SPIDR: variants seen among roughly 807,000 people sequenced by gnomAD.
The protein encoded by SPIDR is scaffold protein involved in DNA repair.
A neutral mutation model predicts 104.6 loss-of-function variants in SPIDR; 93 were observed. That is an observed-to-expected ratio of 0.89 (90% CI 0.75 to 1.06). The LOEUF is 1.06. SPIDR is among the 50% of genes least tolerant of loss of function. The probability of loss-of-function intolerance (pLI) is 0.00; values close to 1 mark genes in which losing one functional copy is unlikely to be tolerated. For synonymous variants in SPIDR, 431 were observed against 416.9 expected (o/e 1.03, Z -0.41); for missense variants, 1,154 against 1,111.2 (o/e 1.04, Z -0.55).
intron 5 of SPIDR, among the ~76,000 whole-genome samples, chr8:47,380,153 G>A (rs2059155967): frequency 6.6e-6 from 1 of 152,182 alleles, no homozygotes; most frequent in Non-Finnish European, 1.5e-5. Context: ...TGAGGCCCAG[G>A]TTTTGAGTGT....
chr8:47,303,444 C>G (rs1196216946), intron 5 of SPIDR, among the ~76,000 whole-genome samples: 1 of 152,074 alleles, frequency 6.6e-6, no homozygotes, highest in Non-Finnish European at 1.5e-5. Context: ...TGCACTGCAC[C>G]CAGTGTGCTG....
chr8:47,484,441 A>T (rs74716830), intron 8 of SPIDR, among the ~76,000 whole-genome samples: 3,865 of 152,282 alleles, frequency 0.025, 126 homozygotes, highest in East Asian at 0.082. Flanking sequence ...GGTCCTGGTG[A>T]ACCTCATAGT....
At chr8:47,513,449 A>G (rs1177559314) in intron 8 of SPIDR, among the ~76,000 whole-genome samples, 1 of 152,256 alleles carries the variant, frequency 6.6e-6, no homozygotes, top group African/African-American at 2.4e-5. Context: ...ATACTTTTTA[A>G]AAAAACAACT....
intron 7 of SPIDR, among the ~76,000 whole-genome samples, chr8:47,422,659 C>T (rs1554681850): frequency 2.0e-5 from 3 of 152,204 alleles, no homozygotes; most frequent in Non-Finnish European, 2.9e-5. Flanking sequence ...GAACCCGGTA[C>T]CTCAGTTGGA....
chr8:47,276,566 T>TA (rs1175737324), intron 1 of SPIDR, among the ~76,000 whole-genome samples: 1 of 151,916 alleles, frequency 6.6e-6, no homozygotes, highest in African/African-American at 2.4e-5. Context: ...GGAAACAAAA[T>TA]AAAAAACTGA....
At chr8:47,493,794 A>G (rs554919697) in intron 8 of SPIDR, among the ~76,000 whole-genome samples, 1 of 152,292 alleles carries the variant, frequency 6.6e-6, no homozygotes, top group East Asian at 1.9e-4. Context: ...TGGGTTTTTT[A>G]TATTATTATT....
At chr8:47,430,958 C>T (rs1179858344) in intron 7 of SPIDR, among the ~76,000 whole-genome samples, 2 of 152,164 alleles carry the variant, frequency 1.3e-5, no homozygotes, top group Non-Finnish European at 2.9e-5. Context: ...CATGGCTGGT[C>T]ATCAGTGTCA....
intron 8 of SPIDR, among the ~76,000 whole-genome samples, chr8:47,466,917 A>ATATG (rs2074936478): frequency 1.2e-5 from 1 of 82,228 alleles, no homozygotes; most frequent in Non-Finnish European, 2.3e-5. Flanking sequence ...ATATATATAG[A>ATATG]TAGATAGATA....
intron 7 of SPIDR, 73 bp from the exon 8 acceptor site, chr8:47,440,250 T>TG (rs1445270060): frequency 1.3e-5 from 17 of 1,356,778 alleles, no homozygotes; most frequent in Non-Finnish European, 1.6e-5. Context: ...CTTTTTTTCA[T>TG]GACACTTTAT....
intron 10 of SPIDR, among the ~76,000 whole-genome samples, chr8:47,605,588 A>G (rs2062835015): frequency 6.6e-6 from 1 of 152,214 alleles, no homozygotes; most frequent in Non-Finnish European, 1.5e-5. Context: ...GGAAAGAACA[A>G]AAAATCTGGA....
intron 7 of SPIDR, among the ~76,000 whole-genome samples, chr8:47,410,019 C>A (rs1184181484): frequency 7.9e-5 from 12 of 152,138 alleles, no homozygotes; most frequent in Non-Finnish European, 1.5e-5. Flanking sequence ...CACAGCAAGA[C>A]CCTGTCTCTA....
At chr8:47,716,048 T>G (rs1414651732) in intron 16 of SPIDR, among the ~76,000 whole-genome samples, 1 of 145,872 alleles carries the variant, frequency 6.9e-6, no homozygotes, top group Non-Finnish European at 1.5e-5. Context: ...CACTGCAACC[T>G]CTGCCTACTG....
At chr8:47,284,569 T>C (rs2038444286) in intron 3 of SPIDR, among the ~76,000 whole-genome samples, 1 of 152,140 alleles carries the variant, frequency 6.6e-6, no homozygotes, top group East Asian at 1.9e-4. Flanking sequence ...ATAAATGAGG[T>C]TGAATTTGTC....
intron 10 of SPIDR, among the ~76,000 whole-genome samples, chr8:47,611,676 C>T (rs561550807): frequency 6.6e-6 from 1 of 151,354 alleles, no homozygotes; most frequent in South Asian, 2.1e-4. Context: ...CCAGCCTGGG[C>T]AACAGAGCGA....
chr8:47,558,280 A>G (rs1277960253), intron 8 of SPIDR, among the ~76,000 whole-genome samples: 1 of 152,220 alleles, frequency 6.6e-6, no homozygotes, highest in Non-Finnish European at 1.5e-5. Flanking sequence ...ACAAACCTGC[A>G]TGTGTATCCC....
chr8:47,522,573 C>G (rs1324409984), intron 8 of SPIDR, among the ~76,000 whole-genome samples: 5 of 152,182 alleles, frequency 3.3e-5, no homozygotes, highest in African/African-American at 1.2e-4. Flanking sequence ...CTCCCTCACC[C>G]TCTCCTCCTG....
intron 8 of SPIDR, among the ~76,000 whole-genome samples, chr8:47,489,679 G>A (rs1366636475): frequency 6.6e-6 from 1 of 152,154 alleles, no homozygotes; most frequent in Non-Finnish European, 1.5e-5. Context: ...ACAGAACAGA[G>A]CCGTCAGAAA....
intron 8 of SPIDR, among the ~76,000 whole-genome samples, chr8:47,588,376 G>A (rs1439094634): frequency 1.4e-5 from 2 of 146,772 alleles, no homozygotes; most frequent in Non-Finnish European, 3.0e-5. Flanking sequence ...CCATTTTGGT[G>A]TCCATGAATT....
At chr8:47,567,235 T>G (rs1206459363) in intron 8 of SPIDR, among the ~76,000 whole-genome samples, 1 of 151,560 alleles carries the variant, frequency 6.6e-6, no homozygotes, top group African/African-American at 2.4e-5. Flanking sequence ...ATATTTTTTT[T>G]CTTTTTTTAG....
Sources: allele counts gnomAD v4.1 joint callset (sites outside exome capture counted in the v4.1 genomes callset), GRCh38; gene constraint gnomAD v4.1.1; transcripts MANE v1.5; gene names NCBI Gene and HGNC (gene_info 2026-07-23, HGNC 2026-07-21).